The following UBA3 variants were observed in gnomAD, a reference collection of about 807,000 sequenced individuals.
UBA3 encodes the protein NEDD8-activating enzyme E1 catalytic subunit.
In UBA3, 26 loss-of-function variants were observed where a neutral mutation model predicts 73.5. That is an observed-to-expected ratio of 0.35 (90% CI 0.26 to 0.49). The LOEUF is 0.49. Among genes scored for constraint, UBA3 ranks in the 20% least tolerant of loss-of-function variants. The pLI, the probability that UBA3 is intolerant of heterozygous loss-of-function variation, is 0.98. For synonymous variants in UBA3, 217 were observed against 191.2 expected, an observed-to-expected ratio of 1.13 and a Z score of -1.11; for missense variants, 495 against 555.6, an observed-to-expected ratio of 0.89 and a Z score of 1.10.
At chr3:69,057,352 TAA>T (rs1284709807) in intron 11 of UBA3, 43 bp from the exon 12 acceptor site, 3 of 1,541,710 alleles carry the variant, frequency 1.9e-6, no homozygotes, top group South Asian at 1.2e-5. Context: ...TTCTTTAAAA[TAA>T]AAGAGTTCTC....
chr3:69,063,113 C>T lies in UBA3; in HGVS notation c.562G>A (p.Gly188Ser), dbSNP rs753132353. 1.9e-6 allele frequency: 3 copies of T among 1,613,956 alleles called. No individual in the cohort carries two copies. ...ACAATGGAGCTTGGATCTAAGACAC[C>T]ATCTTCATAATTTAGAAGAGATATC... ...MLISLLNYED[G>S]VLDPSSIVPL... is the part of the protein sequence containing the mutation. Residue 188 changes from glycine to serine, a missense_variant, in exon 9 of 18, where the codon GGT becomes AGT. Gly to Ser is a moderately conservative substitution (Grantham distance 56). Coordinates refer to ENST00000361055, the MANE Select transcript of UBA3 (RefSeq NM_003968.4).
chr3:69,079,539 A>T (rs1310372214), intron 2 of UBA3, among the ~76,000 whole-genome samples: 1 of 152,254 alleles, frequency 6.6e-6, no homozygotes, highest in Admixed American at 6.5e-5. Flanking sequence ...CATAGAATTA[A>T]GCATCTGATA....
At chr3:69,079,088 G>A (rs1328527707) in intron 2 of UBA3, among the ~76,000 whole-genome samples, 1 of 152,168 alleles carries the variant, frequency 6.6e-6, no homozygotes, top group East Asian at 1.9e-4. Context: ...CATACGTTTT[G>A]ATGTCAGAGT....
chr3:69,072,581 G>A (rs772206041), intron 4 of UBA3, among the ~76,000 whole-genome samples: 1 of 152,190 alleles, frequency 6.6e-6, no homozygotes, highest in Non-Finnish European at 1.5e-5. Flanking sequence ...CCACACTCAT[G>A]AGAATTTAAA....
intron 4 of UBA3, 171 bp downstream of exon 4, chr3:69,075,259 A>G (rs2092155409): frequency 3.9e-6 from 1 of 254,808 alleles, no homozygotes; most frequent in African/African-American, 2.3e-5. Flanking sequence ...AAAAAGTTCC[A>G]AAGTTCTACC....
rs768840184 is a variant in UBA3 at position 69,075,474 on chromosome 3, C to T, written c.220G>A (p.Val74Ile). 2 of 1,567,080 alleles carry T rather than the reference C, an allele frequency of 1.3e-6. No homozygotes were observed. The highest frequency in any genetic ancestry group is 4.8e-5 in the East Asian group (2 of 42,018). Reference protein sequence around the residue: ...QFLLDTCKVLVIGAGGLGCEL... With the variant: ...QFLLDTCKVLIIGAGGLGCEL... ...CATCCTAAGCCGCCAGCTCCAATGA[C>T]TAGAACTTTACATGTATCTAACAAG... is the stretch of plus-strand genomic sequence containing the variant. Residue 74 changes from valine to isoleucine, a missense_variant, in exon 4 of 18, where the codon GTC becomes ATC. Physicochemically the swap from Val to Ile is conservative, Grantham distance 29 (BLOSUM62 3). Transcript: ENST00000361055.
At position 69,064,068 on chromosome 3, in the gene UBA3, G is replaced by A. The variant is rs767658670; in HGVS notation, c.472C>T (p.Gln158Ter). The change falls in exon 7 of 18, where the codon CAA becomes TAA. Residue 158 changes from glutamine to a stop codon, truncating the protein, a stop_gained and splice_region_variant. Coordinates refer to ENST00000361055, the MANE Select transcript of UBA3 (RefSeq NM_003968.4). LOFTEE classifies it high-confidence loss of function. Reference sequence around the variant, plus strand: ...CATTAATTTCAAGTAAAAAACTTACGTCGATAGAAAGTGTCGTTAAAATCT... The same window carrying A: ...CATTAATTTCAAGTAAAAAACTTACATCGATAGAAAGTGTCGTTAAAATCT... The part of the protein sequence containing the change: ...IQDFNDTFYR[Q>*]FHIIVCGLDS... 2.5e-6 allele frequency: 4 copies of A among 1,602,252 alleles called. No individual in the cohort carries two copies. The highest frequency in any genetic ancestry group is 1.3e-5 in the African/African-American group (1 of 74,102).
chr3:69,062,963 C>T lies in UBA3; in HGVS notation c.693+19G>A. On this transcript the variant is annotated intron_variant, in intron 9 of 17. Transcript: ENST00000361055. ...ATGCCAAGATACTATAAAAGAAATG[C>T]AGGTGCTTTTTTGATTACCTGTGGT... 3 of 1,612,318 alleles carry T rather than the reference C, an allele frequency of 1.9e-6. No homozygotes were observed. The highest frequency in any genetic ancestry group is 2.5e-6 in the Non-Finnish European group (3 of 1,179,190).
chr3:69,062,067 G>A lies in UBA3; in HGVS notation c.796+10C>T. 1 of 1,559,770 alleles carries A rather than the reference G, an allele frequency of 6.4e-7. No homozygotes were observed. The highest frequency in any genetic ancestry group is 2.2e-5 in the East Asian group (1 of 44,466). On this transcript the variant is annotated intron_variant, in intron 10 of 17. Transcript: ENST00000361055. ...TATGTAATTCTAGATTATTAAATTA[G>A]GTTTATTACCTCCAAAAGGCTGCTC...
chr3:69,079,240 T>C (rs767820187), intron 2 of UBA3, among the ~76,000 whole-genome samples: 50 of 152,112 alleles, frequency 3.3e-4, no homozygotes, highest in Non-Finnish European at 5.9e-4. Context: ...GTACAGTACG[T>C]GGGATATGGT....
rs1358118866 is a variant in UBA3, at chr3:69,056,774, A to G, written c.1001+5T>C. Reference sequence around the variant, plus strand: ...TACATGCATATTAAAAATGAAACCTATTACCTTGTGGCTATTTTAAAAACC... The same window carrying G: ...TACATGCATATTAAAAATGAAACCTGTTACCTTGTGGCTATTTTAAAAACC... On this transcript the variant is annotated splice_donor_5th_base_variant and intron_variant, in intron 13 of 17. Coordinates refer to ENST00000361055, the MANE Select transcript of UBA3 (RefSeq NM_003968.4). 2 of 1,613,204 alleles carry G rather than the reference A, an allele frequency of 1.2e-6. No homozygotes were observed. The highest frequency in any genetic ancestry group is 1.1e-5 in the South Asian group (1 of 90,968).
chr3:69,059,070 T>C (rs1366051347), intron 11 of UBA3, among the ~76,000 whole-genome samples: 2 of 152,204 alleles, frequency 1.3e-5, no homozygotes. Context: ...TTGTGCATAG[T>C]AACAATGAAA....
In UBA3 at chr3:69,066,857, T is replaced by G. The variant is rs144375865; in HGVS notation, c.428+1071A>C. The stretch of plus-strand genomic sequence containing the variant: ...TACGATTTGTTGAAGACTATGCTTC[T>G]TCCATTGGAACTGTTTTGCACCTTT... On this transcript the variant is annotated intron_variant, in intron 6 of 17. Coordinates refer to ENST00000361055, the MANE Select transcript of UBA3 (RefSeq NM_003968.4). Among the ~76,000 whole-genome samples the G allele has an allele frequency of 5.6e-4, 85 of 152,354 alleles. No homozygotes were observed. The East Asian group carries it at 0.016, about 28-fold the overall frequency.
chr3:69,064,435 T>C (rs981816653), intron 6 of UBA3, among the ~76,000 whole-genome samples: 1 of 152,208 alleles, frequency 6.6e-6, no homozygotes, highest in South Asian at 2.1e-4. Flanking sequence ...AGAATGTGTG[T>C]CCTCAATCAT....
intron 11 of UBA3, among the ~76,000 whole-genome samples, chr3:69,057,681 A>G (rs1446063076): frequency 6.6e-6 from 1 of 152,208 alleles, no homozygotes. Context: ...AGTGAGACTG[A>G]GAGAAATTTA....
rs2092019751 is a variant in UBA3, at chr3:69,061,369, AT to A, written c.910+444del. On this transcript the variant is annotated intron_variant, in intron 11 of 17. Transcript: ENST00000361055. ...TGCCACCACACCCAGCTAATTTTGT[AT>A]TTTTAGTAGAGACAGGGTGTTGCCA... Among the ~76,000 whole-genome samples, 3 of 152,132 alleles carry A rather than the reference AT, an allele frequency of 2.0e-5. No homozygotes were observed. The South Asian group carries it at 6.2e-4, about 31-fold the overall frequency.
chr3:69,059,090 T>C (rs2092000320), intron 11 of UBA3, among the ~76,000 whole-genome samples: 1 of 152,248 alleles, frequency 6.6e-6, no homozygotes, highest in African/African-American at 2.4e-5. Flanking sequence ...AAAAAGTATC[T>C]GCTCGTATAG....
chr3:69,070,382 G>GT (rs1280817788), intron 5 of UBA3, among the ~76,000 whole-genome samples: 4 of 152,100 alleles, frequency 2.6e-5, no homozygotes, highest in Non-Finnish European at 4.4e-5. Flanking sequence ...TAATGTAGAG[G>GT]TTTTATGCCT....
At chr3:69,056,477 A>G (rs533455830) in intron 14 of UBA3, 135 bp downstream of exon 14, 119 of 874,820 alleles carry the variant, frequency 1.4e-4, no homozygotes, top group Admixed American at 3.1e-4. Context: ...ATTTCAGGCT[A>G]TAAAGCAAAA....
Sources: allele counts gnomAD v4.1 joint callset (sites outside exome capture counted in the v4.1 genomes callset), GRCh38; gene constraint gnomAD v4.1.1; transcripts MANE v1.5; gene names NCBI Gene and HGNC (gene_info 2026-07-23, HGNC 2026-07-21).